TCF20: variants seen among roughly 807,000 people sequenced by gnomAD.
TCF20 encodes transcription factor 20.
Under a neutral mutation model 148.6 loss-of-function variants are expected in TCF20, and 3 were observed. The observed-to-expected ratio is 0.02, with a 90% CI of 0.01 to 0.05. The LOEUF (loss-of-function observed/expected upper bound fraction) is 0.05, where lower values mean the gene tolerates loss of function less well. Among genes scored for constraint, TCF20 ranks in the 10% least tolerant of loss-of-function variants. The pLI is 1.00. For synonymous variants in TCF20, 1,049 were observed against 909.5 expected, an observed-to-expected ratio of 1.15 and a Z score of -2.76; for missense variants, 2,350 against 2,429.3, an observed-to-expected ratio of 0.97 and a Z score of 0.69.
chr22:42,242,910 G>T (rs552134480), intron 1 of TCF20, among the ~76,000 whole-genome samples: 1 of 151,746 alleles, frequency 6.6e-6, no homozygotes. Flanking sequence ...AGACATGCAG[G>T]AACCTTAAAT....
chr22:42,267,387 A>T (rs1314056262), intron 1 of TCF20, among the ~76,000 whole-genome samples: 1 of 152,032 alleles, frequency 6.6e-6, no homozygotes, highest in East Asian at 1.9e-4. Flanking sequence ...AATCACAAAT[A>T]ATCTGTGTGG....
rs1258895908 is a variant in TCF20 at position 42,292,726 on chromosome 22, C to G, written c.-37+50753G>C. The stretch of plus-strand genomic sequence containing the variant: ...ACACAGGACCCCACGGCTAGGAAGA[C>G]AAGGCTCGGATTGGATTCTCAGGCC... On this transcript the variant is annotated intron_variant, in intron 1 of 1. Coordinates refer to the TCF20 transcript ENST00000515426. The surrounding 1 kb of genome is among the most constrained non-coding windows in gnomAD (Gnocchi z 4.9). Among the ~76,000 whole-genome samples, 1 of 152,004 alleles carries G rather than the reference C, an allele frequency of 6.6e-6. No homozygotes were observed. The highest frequency in any genetic ancestry group is 1.5e-5 in the Non-Finnish European group (1 of 68,004).
Position 42,299,919 on chromosome 22 carries a change from G to A in TCF20, c.-37+43560C>T, listed in dbSNP as rs1028920243. On this transcript the variant is annotated intron_variant, in intron 1 of 1. Transcript: ENST00000515426. The surrounding 1 kb of genome is among the most constrained non-coding windows in gnomAD (Gnocchi z 4.1). ...CTTGGAGCGGGTGGAGGAGGAGGGG[G>A]AAAGGGAGCAGAGGAAGAAAGGAGA... Among the ~76,000 whole-genome samples, 38 of 133,964 alleles carry A rather than the reference G, an allele frequency of 2.8e-4. No homozygotes were observed. The highest frequency in any genetic ancestry group is 2.6e-3 in the Admixed American group (32 of 12,432). The allele number at this position is 133,964 out of a possible 152,430, so 87.9% of individuals were successfully genotyped here. A position where few individuals can be genotyped will look rare whatever the true frequency, so the allele number is the denominator to read the frequency against.
intron 1 of TCF20, among the ~76,000 whole-genome samples, chr22:42,329,180 C>T (rs573651770): frequency 4.3e-4 from 65 of 152,336 alleles, no homozygotes; most frequent in Non-Finnish European, 8.4e-4. Flanking sequence ...CAGGCGGCAG[C>T]GCAGTCACAC....
chr22:42,309,817 A>T (rs1927501413), intron 1 of TCF20, among the ~76,000 whole-genome samples: 1 of 152,212 alleles, frequency 6.6e-6, no homozygotes, highest in African/African-American at 2.4e-5. Flanking sequence ...AATAGGGGTG[A>T]CACCAGCACC....
At chr22:42,321,261 G>A (rs145541149) in intron 1 of TCF20, among the ~76,000 whole-genome samples, 5 of 152,328 alleles carry the variant, frequency 3.3e-5, no homozygotes, top group Non-Finnish European at 5.9e-5. Flanking sequence ...GATGGGCAAC[G>A]CAGGCCATGT....
At chr22:42,230,887 G>A (rs1049432652) in intron 1 of TCF20, among the ~76,000 whole-genome samples, 23 of 152,122 alleles carry the variant, frequency 1.5e-4, no homozygotes, top group African/African-American at 5.6e-4. Context: ...GGCTCGGTGA[G>A]GTGGCTCACG....
chr22:42,188,624 G>A (rs1162016909), intron 2 of TCF20, among the ~76,000 whole-genome samples: 4 of 152,174 alleles, frequency 2.6e-5, no homozygotes, highest in Non-Finnish European at 4.4e-5. Flanking sequence ...CTTTCCCCTT[G>A]ACATGCAGGT....
intron 1 of TCF20, among the ~76,000 whole-genome samples, chr22:42,264,425 C>T (rs1293501567): frequency 1.3e-5 from 2 of 152,172 alleles, no homozygotes; most frequent in Non-Finnish European, 2.9e-5. Flanking sequence ...TCTTTCTTAG[C>T]CTTTACAAGG....
intron 1 of TCF20, among the ~76,000 whole-genome samples, chr22:42,231,108 G>A (rs1468764311): frequency 2.0e-5 from 3 of 152,152 alleles, no homozygotes; most frequent in Non-Finnish European, 4.4e-5. Flanking sequence ...GCTGCAGTGA[G>A]CTGAGACTGC....
intron 2 of TCF20, among the ~76,000 whole-genome samples, chr22:42,192,843 A>C (rs1363399010): frequency 6.6e-6 from 1 of 152,198 alleles, no homozygotes; most frequent in Admixed American, 6.5e-5. Context: ...TAGAATGGAA[A>C]CTTTGGCACC....
chr22:42,164,143 A>C (rs1228233601), intron 5 of TCF20, among the ~76,000 whole-genome samples: 1 of 151,604 alleles, frequency 6.6e-6, no homozygotes, highest in African/African-American at 2.4e-5. Flanking sequence ...TTCTGAATCT[A>C]TACTGATTAA....
chr22:42,212,469 T>A lies in TCF20; in HGVS notation c.2837A>T (p.Lys946Ile). The A allele has an allele frequency of 1.2e-6, 2 of 1,614,172 alleles. No homozygotes were observed. Among genetic ancestry groups the A allele is most frequent in the Non-Finnish European group, 1.7e-6 (2 of 1,180,036 alleles). The change falls in exon 2 of 6, where the codon AAA (lysine) becomes ATA (isoleucine). Residue 946 changes from lysine to isoleucine, a missense_variant. This residue lies in a region of TCF20 where 1,641 missense variants were observed against 1,662.6 expected (regional missense o/e 0.99). Transcript: ENST00000677622. The stretch of plus-strand genomic sequence containing the variant: ...AGGAGGATGGCAGTGGTCTCCAGAT[T>A]TCTTGTTGTTGAAACTAGCTTGAGA... ...SKSQASFNNK[K>I]SGDHCHPPSI... is the part of the protein sequence containing the mutation.
At chr22:42,265,523 A>T (rs1359864601) in intron 1 of TCF20, among the ~76,000 whole-genome samples, 1 of 152,138 alleles carries the variant, frequency 6.6e-6, no homozygotes, top group Non-Finnish European at 1.5e-5. Context: ...GGCTTACTGT[A>T]TTTCAAAGGT....
intron 1 of TCF20, chr22:42,276,493 T>C (rs1052306525): frequency 2.0e-5 from 3 of 152,216 alleles, no homozygotes; most frequent in African/African-American, 7.2e-5. Context: ...GCGTGGAGTC[T>C]TGTTTGCTGG....
At chr22:42,306,988 G>A (rs1001104879) in intron 1 of TCF20, among the ~76,000 whole-genome samples, 10 of 146,936 alleles carry the variant, frequency 6.8e-5, no homozygotes, top group Admixed American at 1.4e-4. Context: ...GCAGTGACCC[G>A]AGATCATGCC....
intron 1 of TCF20, among the ~76,000 whole-genome samples, chr22:42,326,737 A>G (rs1927881831): frequency 6.6e-6 from 1 of 152,234 alleles, no homozygotes; most frequent in Non-Finnish European, 1.5e-5. Flanking sequence ...GAACCTTTAC[A>G]TTGGCAAAGA....
chr22:42,302,256 A>G (rs1927350416), intron 1 of TCF20, among the ~76,000 whole-genome samples: 1 of 152,058 alleles, frequency 6.6e-6, no homozygotes, highest in African/African-American at 2.4e-5. Flanking sequence ...CTGACACTAG[A>G]TGGCACTCAG....
In TCF20 at chr22:42,160,640, T is replaced by TA. The variant is rs552087710; in HGVS notation, c.*762dup. ...AATTTCACCCCCAAAAAGAAAAAAT[T>TA]AAAAAAAAAAAACCATAAATAAATA... On this transcript the variant is annotated 3_prime_UTR_variant, in exon 6 of 6. Transcript: ENST00000677622. 0.082 allele frequency: 11,607 copies of TA among 141,794 alleles called. 1,405 individuals are homozygous for TA. The highest frequency in any genetic ancestry group is 0.27 in the African/African-American group (10,575 of 39,372). The allele number at this position is 141,794 out of a possible 1,614,324, so 8.8% of individuals were successfully genotyped here.
Sources: allele counts gnomAD v4.1 joint callset (sites outside exome capture counted in the v4.1 genomes callset), GRCh38; gene constraint gnomAD v4.1.1; regional missense constraint gnomAD v4.1.1; non-coding constraint Gnocchi (gnomAD v3.1); transcripts MANE v1.5; gene names NCBI Gene and HGNC (gene_info 2026-07-23, HGNC 2026-07-21).